Variants in SPOCK1 observed in about 807,000 individuals in gnomAD.
SPOCK1 encodes SPARC (osteonectin), cwcv and kazal like domains proteoglycan 1, also known as testican-1.
A neutral mutation model predicts 55.3 loss-of-function variants in SPOCK1; 23 were observed. The observed-to-expected ratio is 0.42, with a 90% confidence interval of 0.30 to 0.59. The LOEUF is 0.59. Among genes scored for constraint, SPOCK1 ranks in the 20% least tolerant of loss-of-function variants. The pLI is 0.22. For missense variants in SPOCK1, 499 were observed against 552.5 expected (o/e 0.90, Z 0.97); for synonymous variants, 226 against 221.0 (o/e 1.02, Z -0.20).
chr5:137,348,396 T>C (rs1400707946), intron 2 of SPOCK1, among the ~76,000 whole-genome samples: 2 of 146,430 alleles, frequency 1.4e-5, no homozygotes, highest in African/African-American at 5.1e-5. Flanking sequence ...ATGACCAAAA[T>C]GGAACATCTG....
intron 2 of SPOCK1, among the ~76,000 whole-genome samples, chr5:137,333,928 G>A (rs1359995531): frequency 6.6e-6 from 1 of 152,180 alleles, no homozygotes; most frequent in South Asian, 2.1e-4. Context: ...AAACAATCAT[G>A]AGTTGGAGGC....
chr5:137,336,310 C>T (rs186731817), intron 2 of SPOCK1, among the ~76,000 whole-genome samples: 21 of 152,320 alleles, frequency 1.4e-4, no homozygotes, highest in African/African-American at 4.8e-4. Context: ...GGGACAGGCC[C>T]TGCAGCCTGG....
At chr5:137,210,887 G>C (rs1046922970) in intron 3 of SPOCK1, among the ~76,000 whole-genome samples, 2 of 152,128 alleles carry the variant, frequency 1.3e-5, no homozygotes, top group African/African-American at 4.8e-5. Flanking sequence ...TGGAGTCCAG[G>C]GGCTCAATTC....
At chr5:137,399,727 A>G (rs1014200156) in intron 2 of SPOCK1, among the ~76,000 whole-genome samples, 2 of 152,222 alleles carry the variant, frequency 1.3e-5, no homozygotes, top group African/African-American at 4.8e-5. Context: ...TTTTCAAACT[A>G]TATATTTTTT....
At chr5:137,098,137 T>C (rs1388702805) in intron 5 of SPOCK1, among the ~76,000 whole-genome samples, 4 of 152,188 alleles carry the variant, frequency 2.6e-5, no homozygotes, top group Non-Finnish European at 5.9e-5. Context: ...ATGTAATAAC[T>C]CAATTCTCAC....
intron 2 of SPOCK1, among the ~76,000 whole-genome samples, chr5:137,342,252 CA>C: frequency 1.3e-5 from 2 of 152,204 alleles, no homozygotes; most frequent in East Asian, 3.9e-4. Context: ...CCTGATGCAC[CA>C]ATACAGAACT....
chr5:137,411,387 A>C (rs542479876), intron 2 of SPOCK1, among the ~76,000 whole-genome samples: 1 of 152,154 alleles, frequency 6.6e-6, no homozygotes, highest in Non-Finnish European at 1.5e-5. Context: ...GAAGAAGGGG[A>C]GAGCACCAGT....
At chr5:137,434,282 TTCACAATAGAA>T (rs1450485714) in intron 2 of SPOCK1, among the ~76,000 whole-genome samples, 1 of 152,102 alleles carries the variant, frequency 6.6e-6, no homozygotes. Context: ...TCTTCAGTCC[TTCACAATAGAA>T]TTTACCTCAA....
At chr5:136,997,724 C>A (rs889293414) in intron 6 of SPOCK1, among the ~76,000 whole-genome samples, 1 of 152,208 alleles carries the variant, frequency 6.6e-6, no homozygotes, top group Non-Finnish European at 1.5e-5. Context: ...TTTAAAGTGA[C>A]ATTTTCTTAG....
At chr5:137,442,490 A>G (rs1033963774) in intron 2 of SPOCK1, among the ~76,000 whole-genome samples, 5 of 152,220 alleles carry the variant, frequency 3.3e-5, no homozygotes, top group African/African-American at 1.2e-4. Context: ...CCTAACTCAC[A>G]TGGTTGTGCC....
intron 6 of SPOCK1, among the ~76,000 whole-genome samples, chr5:137,050,506 C>A (rs891658907): frequency 1.3e-5 from 2 of 149,544 alleles, no homozygotes; most frequent in Admixed American, 6.6e-5. Flanking sequence ...GGCTCGCGCA[C>A]GGTGCGCGCA....
intron 2 of SPOCK1, among the ~76,000 whole-genome samples, chr5:137,295,971 C>G (rs1757471411): frequency 6.6e-6 from 1 of 152,072 alleles, no homozygotes; most frequent in Admixed American, 6.5e-5. Context: ...TACCTAACCC[C>G]CAATGTGAGG....
chr5:137,447,274 G>C (rs1271643678), intron 2 of SPOCK1, among the ~76,000 whole-genome samples: 1 of 152,176 alleles, frequency 6.6e-6, no homozygotes, highest in Non-Finnish European at 1.5e-5. Context: ...AGCTGACAAA[G>C]CCCTTCACCA....
chr5:137,156,277 G>A (rs1754415089), intron 3 of SPOCK1, among the ~76,000 whole-genome samples: 1 of 152,150 alleles, frequency 6.6e-6, no homozygotes, highest in South Asian at 2.1e-4. Flanking sequence ...GCTGGCCTCT[G>A]CTGTCCTGGC....
intron 6 of SPOCK1, among the ~76,000 whole-genome samples, chr5:137,066,987 C>CACACACACACACACACAGAGAGAGAGAG (rs1343691789): frequency 1.4e-5 from 2 of 139,584 alleles, no homozygotes; most frequent in South Asian, 2.4e-4. Context: ...CACACACACA[C>CACACACACACACACACAGAGAGAGAGAG]AGAGAGAGAG....
At chr5:137,270,781 T>C (rs781139753) in intron 2 of SPOCK1, among the ~76,000 whole-genome samples, 1 of 152,048 alleles carries the variant, frequency 6.6e-6, no homozygotes, top group Non-Finnish European at 1.5e-5. Context: ...GGTGGGTGGA[T>C]CACCTGACGT....
At chr5:137,291,316 C>T (rs749176317) in intron 2 of SPOCK1, among the ~76,000 whole-genome samples, 1 of 152,192 alleles carries the variant, frequency 6.6e-6, no homozygotes, top group Non-Finnish European at 1.5e-5. Flanking sequence ...ATTCTCACAA[C>T]AGTCCTCTAA....
intron 3 of SPOCK1, among the ~76,000 whole-genome samples, chr5:137,203,446 T>C (rs1755462445): frequency 6.6e-6 from 1 of 151,982 alleles, no homozygotes; most frequent in African/African-American, 2.4e-5. Context: ...TCTCATGAAG[T>C]GAAAAAGGCG....
chr5:137,158,920 G>A (rs1026674355), intron 3 of SPOCK1, among the ~76,000 whole-genome samples: 2 of 152,154 alleles, frequency 1.3e-5, no homozygotes, highest in Non-Finnish European at 2.9e-5. Context: ...GGCTCCACAG[G>A]GGAAATATGG....
Sources: allele counts gnomAD v4.1 joint callset (sites outside exome capture counted in the v4.1 genomes callset), GRCh38; gene constraint gnomAD v4.1.1; transcripts MANE v1.5; gene names NCBI Gene and HGNC (gene_info 2026-07-23, HGNC 2026-07-21).